The following PCYT1A variants were observed in gnomAD, a reference collection of about 807,000 sequenced individuals.
The protein encoded by PCYT1A is phosphate cytidylyltransferase 1A, choline, also known as choline-phosphate cytidylyltransferase A.
PCYT1A carries 25 observed loss-of-function variants against 43.7 expected under a neutral mutation model. The ratio of observed to expected loss-of-function variants is 0.57; its 90% CI spans 0.42 to 0.80. The LOEUF (loss-of-function observed/expected upper bound fraction) is 0.80, where lower values mean the gene tolerates loss of function less well. PCYT1A is among the 30% of genes least tolerant of loss of function. PCYT1A has a pLI of 0.00. For synonymous variants in PCYT1A, 172 were observed against 170.7 expected (o/e 1.01, Z -0.06); for missense variants, 421 against 474.2 (o/e 0.89, Z 1.04).
At chr3:196,246,471 A>G (rs1297289124) in intron 5 of PCYT1A, among the ~76,000 whole-genome samples, 1 of 151,980 alleles carries the variant, frequency 6.6e-6, no homozygotes, top group East Asian at 1.9e-4. Context: ...CCTGGGCTCA[A>G]GCGATCCTCC....
chr3:196,238,635 G>C lies in PCYT1A; in HGVS notation c.*53C>G. The C allele has an allele frequency of 8.3e-7, 1 of 1,203,362 alleles. No individual in the cohort carries two copies. The highest frequency in any genetic ancestry group is 1.1e-6 in the Non-Finnish European group (1 of 877,214). 74.5% of individuals were successfully genotyped at this position (1,203,362 alleles called of 1,614,324 possible). ...GTCACAATTTGGAATTCAACAGAGA[G>C]CTTCTGAAGGTAATGGGACAGAAAG... On this transcript the variant is annotated 3_prime_UTR_variant, in exon 9 of 9. Transcript: ENST00000431016.
chr3:196,254,845 C>T (rs781000741), intron 3 of PCYT1A, among the ~76,000 whole-genome samples: 1 of 152,148 alleles, frequency 6.6e-6, no homozygotes, highest in Non-Finnish European at 1.5e-5. Context: ...CTCCCAAATA[C>T]CTACCACCGA....
At chr3:196,263,390 A>G (rs1003049782) in intron 2 of PCYT1A, among the ~76,000 whole-genome samples, 2 of 151,394 alleles carry the variant, frequency 1.3e-5, no homozygotes, top group African/African-American at 2.4e-5. Context: ...TAATTTTTCC[A>G]TTTTTTTTGT....
rs182592183 is a variant in PCYT1A, at chr3:196,243,056, G to A, written c.487-416C>T. ...TAAAAGTATGAGAAAGGCCAGGCACGGTGGCTCATGCCTGTAATCCCAGCA... is the reference window on the plus strand; with the variant it reads ...TAAAAGTATGAGAAAGGCCAGGCACAGTGGCTCATGCCTGTAATCCCAGCA... On this transcript the variant is annotated intron_variant, in intron 5 of 8. Coordinates refer to ENST00000431016, the MANE Select transcript of PCYT1A (RefSeq NM_001312673.2). 4 of 187,536 alleles carry A rather than the reference G, an allele frequency of 2.1e-5. 1 individual carries two copies. The highest frequency in any genetic ancestry group is 2.1e-4 in the South Asian group (2 of 9,586). The allele number at this position is 187,536 out of a possible 1,614,324, so 11.6% of individuals were successfully genotyped here. A position where few individuals can be genotyped will look rare whatever the true frequency, so the allele number is the denominator to read the frequency against.
intron 1 of PCYT1A, among the ~76,000 whole-genome samples, chr3:196,272,872 G>C (rs1292690486): frequency 1.3e-5 from 2 of 152,200 alleles, no homozygotes; most frequent in Non-Finnish European, 2.9e-5. Flanking sequence ...AAACCTCTGT[G>C]GCCAGTGGCA....
At chr3:196,248,657 C>G (rs953037547) in intron 3 of PCYT1A, among the ~76,000 whole-genome samples, 2 of 152,082 alleles carry the variant, frequency 1.3e-5, no homozygotes, top group Non-Finnish European at 2.9e-5. Flanking sequence ...CAGGTGTGAA[C>G]CACCATGCCA....
At chr3:196,262,039 C>T (rs747573550) in intron 2 of PCYT1A, among the ~76,000 whole-genome samples, 8 of 152,182 alleles carry the variant, frequency 5.3e-5, no homozygotes, top group Admixed American at 1.3e-4. Context: ...TTTTAAAACA[C>T]TGTGTTATTC....
In PCYT1A at chr3:196,282,316, A is replaced by G. The variant is rs116247848; in HGVS notation, c.-11+5299T>C. Among the ~76,000 whole-genome samples the G allele has an allele frequency of 4.2e-3, 636 of 152,318 alleles. 2 individuals carry two copies. The highest frequency in any genetic ancestry group is 7.1e-3 in the Non-Finnish European group (486 of 68,026). ...ATGTAATAGTTCTTACAGTTGAACA[A>G]TTTTACTCTGCCACTATTCTACCAG... is the stretch of plus-strand genomic sequence containing the variant. On this transcript the variant is annotated intron_variant, in intron 1 of 8. Coordinates refer to ENST00000431016, the MANE Select transcript of PCYT1A (RefSeq NM_001312673.2). The surrounding 1 kb of genome is among the most constrained non-coding windows in gnomAD (Gnocchi z 4.3).
chr3:196,258,845 C>T (rs569653615), intron 2 of PCYT1A, among the ~76,000 whole-genome samples: 3 of 152,266 alleles, frequency 2.0e-5, no homozygotes, highest in South Asian at 4.1e-4. Flanking sequence ...CCTTGGCCTC[C>T]CAAAGTGCTG....
rs1448062598 is a variant in PCYT1A, at chr3:196,268,577, G to A, written c.117+1838C>T. 1.3e-5 allele frequency among the ~76,000 whole-genome samples: 2 copies of A among 151,950 alleles called. No homozygotes were observed. The highest frequency in any genetic ancestry group is 2.4e-5 in the African/African-American group (1 of 41,362). On this transcript the variant is annotated intron_variant, in intron 2 of 8. Transcript: ENST00000431016. The surrounding 1 kb of genome is among the most constrained non-coding windows in gnomAD (Gnocchi z 4.4). ...AGATAGGAAGACTACTTGAGCTCAG[G>A]AGTTCAAGACCAGCCTGGGCAACAT...
In PCYT1A at chr3:196,246,701, G is replaced by C. The variant is rs142056924; in HGVS notation, c.486+666C>G. The stretch of plus-strand genomic sequence containing the variant: ...AGCCAAGAAAAGTCTATGTTAATCC[G>C]TCTTATTTCCTGGTAATGTGACCGT... On this transcript the variant is annotated intron_variant, in intron 5 of 8. Transcript: ENST00000431016. Among the ~76,000 whole-genome samples the C allele has an allele frequency of 1.6e-4, 24 of 152,282 alleles. No individual in the cohort carries two copies. In the East Asian group the frequency reaches 4.6e-3, roughly 29 times the overall value.
chr3:196,279,006 G>A (rs984063925), intron 1 of PCYT1A, among the ~76,000 whole-genome samples: 1 of 143,420 alleles, frequency 7.0e-6, no homozygotes, highest in South Asian at 2.2e-4. Flanking sequence ...AAAAAAGCTA[G>A]GCCAGGTGTG....
At position 196,239,821 on chromosome 3, in the gene PCYT1A, C is replaced by A. The variant is rs147845605; in HGVS notation, c.709-86G>T. 1,177 of 836,284 alleles carry A rather than the reference C, an allele frequency of 1.4e-3. 8 individuals are homozygous for A. In the African/African-American group the frequency reaches 0.018, roughly 13 times the overall value. 51.8% of individuals were successfully genotyped at this position (836,284 alleles called of 1,614,324 possible). On this transcript the variant is annotated intron_variant, in intron 7 of 8. Transcript: ENST00000431016. ...AGAACGAAAAAACATGGCTCAAGCA[C>A]TCAATTGACACTGTTTTCAGTCTAG...
intron 2 of PCYT1A, among the ~76,000 whole-genome samples, chr3:196,261,526 G>A (rs1211478049): frequency 1.3e-5 from 2 of 151,826 alleles, no homozygotes; most frequent in Non-Finnish European, 2.9e-5. Flanking sequence ...GCAGTGGTGG[G>A]CGCCTGTAAT....
intron 2 of PCYT1A, among the ~76,000 whole-genome samples, chr3:196,263,664 T>C (rs1319124170): frequency 1.3e-5 from 2 of 152,108 alleles, no homozygotes; most frequent in African/African-American, 2.4e-5. Flanking sequence ...GACAGAGTCT[T>C]GCTCTGTCGC....
At chr3:196,285,401 G>A (rs1426578800) in intron 1 of PCYT1A, among the ~76,000 whole-genome samples, 1 of 152,168 alleles carries the variant, frequency 6.6e-6, no homozygotes, top group Admixed American at 6.5e-5. Flanking sequence ...GGAGGTTGCA[G>A]CGAGCTGGGA....
intron 2 of PCYT1A, among the ~76,000 whole-genome samples, chr3:196,265,082 G>A (rs1725227565): frequency 1.3e-5 from 2 of 149,574 alleles, no homozygotes; most frequent in Non-Finnish European, 3.0e-5. Flanking sequence ...TATTTTTTTT[G>A]AGACAGAGTC....
intron 3 of PCYT1A, among the ~76,000 whole-genome samples, chr3:196,248,931 T>A (rs916497590): frequency 1.3e-5 from 2 of 151,730 alleles, no homozygotes; most frequent in East Asian, 1.9e-4. Flanking sequence ...TAATTTTTTG[T>A]ATTATTTTTT....
In PCYT1A at chr3:196,239,592, T is replaced by A. The variant is rs775447503; in HGVS notation, c.852A>T (p.Glu284Asp). The A allele has an allele frequency of 6.2e-7, 1 of 1,613,442 alleles. No homozygotes were observed. The change falls in exon 8 of 9, where the codon GAA becomes GAT. Residue 284 changes from glutamate to aspartate, a missense_variant. By Grantham distance (45) the Glu-to-Asp change is conservative. This residue lies in a region of PCYT1A where 174 missense variants were observed against 270.7 expected (regional missense o/e 0.64). Coordinates refer to ENST00000431016, the MANE Select transcript of PCYT1A (RefSeq NM_001312673.2). The stretch of plus-strand genomic sequence containing the variant: ...ACATTTCCAGAAAACTTCCAATGAA[T>A]TCTCGGGACTTCTCCTCCCACTTCT... Reference protein sequence around the residue: ...LIQKWEEKSREFIGSFLEMFG... With the variant: ...LIQKWEEKSRDFIGSFLEMFG...
Sources: allele counts gnomAD v4.1 joint callset (sites outside exome capture counted in the v4.1 genomes callset), GRCh38; gene constraint gnomAD v4.1.1; regional missense constraint gnomAD v4.1.1; non-coding constraint Gnocchi (gnomAD v3.1); transcripts MANE v1.5; gene names NCBI Gene and HGNC (gene_info 2026-07-23, HGNC 2026-07-21).